Variants in ATAD2B observed in about 807,000 individuals in gnomAD.
The protein encoded by ATAD2B is ATPase family AAA domain-containing protein 2B.
In ATAD2B, 40 loss-of-function variants were observed where a neutral mutation model predicts 167.6. The ratio of observed to expected loss-of-function variants is 0.24; its 90% CI spans 0.19 to 0.31. The LOEUF (loss-of-function observed/expected upper bound fraction) is 0.31, where lower values mean the gene tolerates loss of function less well. Among genes scored for constraint, ATAD2B ranks in the 10% least tolerant of loss-of-function variants. ATAD2B has a pLI of 1.00. For missense variants in ATAD2B, 1,242 were observed against 1,757.2 expected, an observed-to-expected ratio of 0.71 and a Z score of 5.24; for synonymous variants, 579 against 596.5, an observed-to-expected ratio of 0.97 and a Z score of 0.43.
At chr2:23,893,028 A>G (rs1699752470) in intron 2 of ATAD2B, among the ~76,000 whole-genome samples, 1 of 152,118 alleles carries the variant, frequency 6.6e-6, no homozygotes, top group Non-Finnish European at 1.5e-5. Flanking sequence ...AAAACATCCT[A>G]TTTTACTAAA....
chr2:23,914,474 T>C (rs1037509405), intron 1 of ATAD2B, among the ~76,000 whole-genome samples: 1 of 152,132 alleles, frequency 6.6e-6, no homozygotes, highest in Non-Finnish European at 1.5e-5. Flanking sequence ...CATAAAGAGT[T>C]ACCCAAATAG....
chr2:23,864,994 A>G (rs893637998), intron 10 of ATAD2B, 70 bp from the exon 11 acceptor site: 6 of 892,992 alleles, frequency 6.7e-6, no homozygotes, highest in South Asian at 2.0e-5. Flanking sequence ...AAAATTTATA[A>G]AAGAGTCTTA....
At chr2:23,761,904 G>A (rs1676790147) in intron 24 of ATAD2B, among the ~76,000 whole-genome samples, 1 of 152,104 alleles carries the variant, frequency 6.6e-6, no homozygotes, top group Non-Finnish European at 1.5e-5. Context: ...GATAAGGACA[G>A]GGGCATATAA....
the ATAD2B span, among the ~76,000 whole-genome samples, chr2:23,680,682 A>G: frequency 6.6e-6 from 1 of 151,056 alleles, no homozygotes; most frequent in African/African-American, 2.4e-5. The surrounding 1 kb of genome is among the most constrained non-coding windows in gnomAD (Gnocchi z 4.1). Context: ...TCTCTAGGCC[A>G]TCTTCCCCTG....
At chr2:23,695,900 T>G in the ATAD2B span, 5 of 1,538,080 alleles carry the variant, frequency 3.3e-6, no homozygotes, top group Admixed American at 7.9e-5. This position sits in a 1 kb window ranked among gnomAD's most constrained non-coding sequence, Gnocchi z 7.6. Context: ...CAGGCACAGA[T>G]GCCGACAGTC....
At chr2:23,913,583 T>C (rs1157572564) in intron 1 of ATAD2B, among the ~76,000 whole-genome samples, 1 of 147,452 alleles carries the variant, frequency 6.8e-6, no homozygotes, top group Non-Finnish European at 1.5e-5. Context: ...GAGGCTGCAG[T>C]GAGCCGAGAT....
At chr2:23,693,550 G>A in the ATAD2B span, 27 of 1,537,104 alleles carry the variant, frequency 1.8e-5, no homozygotes, top group South Asian at 1.3e-4. Context: ...CCTGTCCCCC[G>A]CCCCTTCTCT....
the ATAD2B span, among the ~76,000 whole-genome samples, chr2:23,737,806 A>C: frequency 3.3e-5 from 5 of 152,198 alleles, no homozygotes; most frequent in African/African-American, 1.2e-4. Flanking sequence ...TTTGAAAAAA[A>C]ATTAGATGAA....
In ATAD2B at chr2:23,762,265, C is replaced by G. The variant is rs1172052793; in HGVS notation, c.3338G>C (p.Arg1113Pro). ...ATCCATTGGATTTCTTTGTTTGTGC[C>G]GAAATGCCTCTTCGACTCTAGTTTC... Reference protein sequence around the residue: ...KTETRVEEAFRHKQRNPMDVW... With the variant: ...KTETRVEEAFPHKQRNPMDVW... Residue 1113 changes from arginine (R) to proline (P), a missense_variant, in exon 24 of 28, where the codon CGG becomes CCG. Around this residue, in one of 9 missense-constraint regions of ATAD2B, gnomAD observed 204 missense variants for 324.0 expected, o/e 0.63. Transcript: ENST00000238789. The G allele has an allele frequency of 6.2e-7, 1 of 1,613,376 alleles. No homozygotes were observed. The highest frequency in any genetic ancestry group is 1.3e-5 in the African/African-American group (1 of 74,934).
chr2:23,844,362 T>C (rs1031765945), intron 13 of ATAD2B, among the ~76,000 whole-genome samples: 1 of 149,060 alleles, frequency 6.7e-6, no homozygotes, highest in Admixed American at 6.7e-5. Flanking sequence ...TACAGTAACA[T>C]AGCTAGCACT....
At chr2:23,901,263 A>C (rs1226173451) in intron 1 of ATAD2B, 1 of 152,172 alleles carries the variant, frequency 6.6e-6, no homozygotes, top group African/African-American at 2.4e-5. Context: ...AGAAACTAGT[A>C]CCTATAAACT....
intron 2 of ATAD2B, among the ~76,000 whole-genome samples, chr2:23,889,452 G>A (rs546196950): frequency 7.0e-4 from 107 of 152,060 alleles, no homozygotes; most frequent in Non-Finnish European, 1.4e-3. Flanking sequence ...ACAGGCGTAA[G>A]CCACCGCGCC....
rs763367811 is a variant in ATAD2B at position 23,788,667 on chromosome 2, C to G, written c.2641-20G>C. On this transcript the variant is annotated intron_variant, in intron 19 of 27. Transcript: ENST00000238789. ...TTTAACCTACACATATACACACACA[C>G]AAAGACATTAAATATATAAAGAATT... is the stretch of plus-strand genomic sequence containing the variant. The G allele has an allele frequency of 9.8e-6, 15 of 1,532,118 alleles. No homozygotes were observed. Among genetic ancestry groups the G allele is most frequent in the African/African-American group, 1.4e-5 (1 of 72,050 alleles). The allele number at this position is 1,532,118 out of a possible 1,614,324, so 94.9% of individuals were successfully genotyped here.
chr2:23,776,702 T>G (rs1457027918), intron 22 of ATAD2B, among the ~76,000 whole-genome samples: 1 of 152,222 alleles, frequency 6.6e-6, no homozygotes, highest in African/African-American at 2.4e-5. Flanking sequence ...AACGTATTTC[T>G]AATAAGACCT....
chr2:23,921,732 G>A lies in ATAD2B; in HGVS notation c.216+4823C>T, dbSNP rs567643955. Among the ~76,000 whole-genome samples the A allele has an allele frequency of 3.0e-4, 45 of 152,204 alleles. No individual in the cohort carries two copies. The East Asian group carries it at 4.4e-3, about 15-fold the overall frequency. On this transcript the variant is annotated intron_variant, in intron 1 of 27. Transcript: ENST00000238789. ...ATGAACTCCACTACTGCTTTGGTTC[G>A]AAATTGTGGCAGGGAACATTGTCAC...
At chr2:23,831,640 C>T (rs13016006) in intron 14 of ATAD2B, among the ~76,000 whole-genome samples, 40,456 of 152,022 alleles carry the variant, frequency 0.27, 5,763 homozygotes, top group African/African-American at 0.36. Context: ...CCCCAGACTC[C>T]CCACATCCTA....
the ATAD2B span, among the ~76,000 whole-genome samples, chr2:23,738,816 A>G: frequency 3.3e-5 from 5 of 152,216 alleles, no homozygotes; most frequent in Non-Finnish European, 7.3e-5. Flanking sequence ...TCTCACGTGC[A>G]GAGACACACA....
At chr2:23,813,692 C>A (rs892427971) in intron 17 of ATAD2B, among the ~76,000 whole-genome samples, 2 of 151,948 alleles carry the variant, frequency 1.3e-5, no homozygotes, top group African/African-American at 4.8e-5. Flanking sequence ...CTGCAGTGAG[C>A]CATGATGGTG....
At chr2:23,857,352 A>T in intron 13 of ATAD2B, 63 bp downstream of exon 13, 1 of 896,408 alleles carries the variant, frequency 1.1e-6, no homozygotes. Flanking sequence ...GCTAAGGGCT[A>T]AGGCTAACTA....
Sources: allele counts gnomAD v4.1 joint callset (sites outside exome capture counted in the v4.1 genomes callset), GRCh38; gene constraint gnomAD v4.1.1; regional missense constraint gnomAD v4.1.1; non-coding constraint Gnocchi (gnomAD v3.1); transcripts MANE v1.5; gene names NCBI Gene and HGNC (gene_info 2026-07-23, HGNC 2026-07-21).